Variants in FHOD3 observed in about 807,000 individuals in gnomAD.
FHOD3 encodes formin homology 2 domain containing 3.
Under a neutral mutation model 173.0 loss-of-function variants are expected in FHOD3, and 90 were observed. The observed-to-expected ratio is 0.52, with a 90% confidence interval of 0.44 to 0.62. The LOEUF is 0.62. FHOD3 is among the 20% of genes least tolerant of loss of function. FHOD3 has a pLI of 0.00. For missense variants in FHOD3, 1,945 were observed against 2,034.7 expected, an observed-to-expected ratio of 0.96 and a Z score of 0.85; for synonymous variants, 828 against 823.0, an observed-to-expected ratio of 1.01 and a Z score of -0.10.
At chr18:36,376,377 G>A (rs1299043560) in intron 3 of FHOD3, among the ~76,000 whole-genome samples, 1 of 152,132 alleles carries the variant, frequency 6.6e-6, no homozygotes. Flanking sequence ...TGATTCTCTG[G>A]GTTCCAGGAG....
intron 28 of FHOD3, among the ~76,000 whole-genome samples, chr18:36,776,191 T>G (rs2043637758): frequency 6.6e-6 from 1 of 152,014 alleles, no homozygotes; most frequent in South Asian, 2.1e-4. Flanking sequence ...CAGCCTTTTT[T>G]TTTTTTTTGC....
intron 5 of FHOD3, among the ~76,000 whole-genome samples, chr18:36,529,005 A>T (rs779213608): frequency 5.3e-5 from 8 of 152,088 alleles, no homozygotes. Context: ...GAGGATTCTG[A>T]CCCCAAGCAG....
chr18:36,654,609 C>T (rs970456045), intron 13 of FHOD3, among the ~76,000 whole-genome samples: 1 of 152,084 alleles, frequency 6.6e-6, no homozygotes, highest in Non-Finnish European at 1.5e-5. Flanking sequence ...TTCAAATAAG[C>T]GAGCTCATAC....
chr18:36,754,623 T>C (rs1311504157), intron 24 of FHOD3, among the ~76,000 whole-genome samples: 1 of 152,118 alleles, frequency 6.6e-6, no homozygotes, highest in Non-Finnish European at 1.5e-5. Flanking sequence ...ATGTTATTCA[T>C]AATATGTTCA....
chr18:36,341,063 C>T (rs1276724218), intron 1 of FHOD3, among the ~76,000 whole-genome samples: 6 of 152,124 alleles, frequency 3.9e-5, no homozygotes, highest in Admixed American at 3.3e-4. Flanking sequence ...TGAGCCAGGT[C>T]GTTTAGGTTC....
At chr18:36,460,040 G>T (rs1367906123) in intron 3 of FHOD3, among the ~76,000 whole-genome samples, 3 of 152,172 alleles carry the variant, frequency 2.0e-5, no homozygotes, top group South Asian at 2.1e-4. Context: ...ATTGTGATTT[G>T]TCTCATGTCT....
At chr18:36,727,001 T>G (rs892203919) in intron 19 of FHOD3, among the ~76,000 whole-genome samples, 1 of 151,804 alleles carries the variant, frequency 6.6e-6, no homozygotes, top group Non-Finnish European at 1.5e-5. Flanking sequence ...AAGAGTAGGA[T>G]GGATGGATGG....
At chr18:36,474,986 TACACACACAC>T (rs3056805) in intron 3 of FHOD3, among the ~76,000 whole-genome samples, 1,160 of 108,104 alleles carry the variant, frequency 0.011, 11 homozygotes, top group African/African-American at 0.038. Flanking sequence ...AATACACACA[TACACACACAC>T]ACACACACAC....
intron 5 of FHOD3, among the ~76,000 whole-genome samples, chr18:36,562,345 A>T (rs147237866): frequency 3.3e-5 from 5 of 152,304 alleles, no homozygotes; most frequent in African/African-American, 1.2e-4. Context: ...CTTCATTTTT[A>T]AAAAGTCCCA....
At chr18:36,645,980 A>G (rs2035654286) in intron 10 of FHOD3, among the ~76,000 whole-genome samples, 2 of 152,174 alleles carry the variant, frequency 1.3e-5, no homozygotes, top group Non-Finnish European at 2.9e-5. Flanking sequence ...TCTATGACAA[A>G]CCTTATACTT....
At chr18:36,350,097 C>G (rs1330378893) in intron 1 of FHOD3, among the ~76,000 whole-genome samples, 3 of 152,142 alleles carry the variant, frequency 2.0e-5, no homozygotes, top group Non-Finnish European at 4.4e-5. Flanking sequence ...TTTTTGACTG[C>G]ACTATCTTTG....
intron 3 of FHOD3, among the ~76,000 whole-genome samples, chr18:36,493,094 C>G (rs1257264093): frequency 6.6e-6 from 1 of 152,126 alleles, no homozygotes; most frequent in East Asian, 1.9e-4. Flanking sequence ...TGGATTCGGT[C>G]CATGATTTTT....
intron 25 of FHOD3, among the ~76,000 whole-genome samples, chr18:36,756,577 T>C (rs577848510): frequency 2.3e-4 from 35 of 152,300 alleles, no homozygotes; most frequent in African/African-American, 6.5e-4. Context: ...GTGTATGTAG[T>C]CAGCCAAGCA....
intron 7 of FHOD3, among the ~76,000 whole-genome samples, chr18:36,596,676 G>C (rs548712969): frequency 1.1e-4 from 16 of 152,274 alleles, no homozygotes; most frequent in Non-Finnish European, 2.2e-4. Flanking sequence ...TGGCAGGCAA[G>C]GAGGCAACTC....
chr18:36,660,466 C>T (rs556358625), intron 14 of FHOD3, among the ~76,000 whole-genome samples: 2 of 152,278 alleles, frequency 1.3e-5, no homozygotes, highest in East Asian at 1.9e-4. Flanking sequence ...AGGGCTGCCG[C>T]GAGGCAGTGT....
intron 3 of FHOD3, among the ~76,000 whole-genome samples, chr18:36,472,635 G>A (rs1455588312): frequency 6.6e-6 from 1 of 152,138 alleles, no homozygotes; most frequent in African/African-American, 2.4e-5. Context: ...TGCCTGTGCT[G>A]GACAATTCAT....
chr18:36,326,774 T>C (rs2044690541), intron 1 of FHOD3, among the ~76,000 whole-genome samples: 1 of 152,122 alleles, frequency 6.6e-6, no homozygotes, highest in Admixed American at 6.6e-5. Context: ...ATATAAAAAA[T>C]TTAAAAGGTC....
At chr18:36,501,197 C>T (rs1013473283) in intron 3 of FHOD3, among the ~76,000 whole-genome samples, 1 of 152,220 alleles carries the variant, frequency 6.6e-6, no homozygotes, top group African/African-American at 2.4e-5. Flanking sequence ...CAGAGAATTC[C>T]AAGAGTGGGA....
At chr18:36,621,323 T>C (rs1205336083) in intron 9 of FHOD3, among the ~76,000 whole-genome samples, 2 of 152,196 alleles carry the variant, frequency 1.3e-5, no homozygotes, top group Admixed American at 6.5e-5. Context: ...ATAGGAAGTA[T>C]GTATCAGTTA....
Sources: gnomAD v4.1 joint callset for allele counts (sites outside exome capture counted in the v4.1 genomes callset) on GRCh38, gnomAD v4.1.1 for gene constraint, MANE v1.5 for transcripts, NCBI Gene and HGNC (gene_info 2026-07-23, HGNC 2026-07-21) for gene names.